Variants in CTNND2 observed in about 807,000 individuals in gnomAD.
CTNND2 encodes the protein catenin delta 2.
Under a neutral mutation model 144.4 loss-of-function variants are expected in CTNND2, and 22 were observed. The observed-to-expected ratio is 0.15, with a 90% CI of 0.11 to 0.22. The LOEUF is 0.22. CTNND2 is among the 10% of genes least tolerant of loss of function. The pLI, the probability that CTNND2 is intolerant of heterozygous loss-of-function variation, is 1.00. For synonymous variants in CTNND2, 751 were observed against 695.6 expected, an observed-to-expected ratio of 1.08 and a Z score of -1.25; for missense variants, 1,353 against 1,618.8, an observed-to-expected ratio of 0.84 and a Z score of 2.82.
intron 2 of CTNND2, among the ~76,000 whole-genome samples, chr5:11,678,473 C>T (rs73743021): frequency 0.012 from 1,789 of 152,164 alleles, 26 homozygotes; most frequent in African/African-American, 0.042. Context: ...ACAATGCTGA[C>T]GATGGAGTCT....
At chr5:11,882,945 ATG>A (rs1303056266) in intron 1 of CTNND2, among the ~76,000 whole-genome samples, 2 of 152,162 alleles carry the variant, frequency 1.3e-5, no homozygotes, top group African/African-American at 4.8e-5. Context: ...ATCCATGAAC[ATG>A]GGATATTTTT....
rs1695840794 is a variant in CTNND2, at chr5:11,077,586, G to A, written c.2788+5110C>T. 3.3e-5 allele frequency among the ~76,000 whole-genome samples: 5 copies of A among 152,174 alleles called. No individual in the cohort carries two copies. The South Asian group carries it at 1.0e-3, about 32-fold the overall frequency. Reference sequence around the variant, plus strand: ...CATAGGGAGCTTCCACATCTGCCCTGCAAAGACTTGATTTTACACTGAGAT... The same window carrying A: ...CATAGGGAGCTTCCACATCTGCCCTACAAAGACTTGATTTTACACTGAGAT... On this transcript the variant is annotated intron_variant, in intron 16 of 21. Transcript: ENST00000304623.
At chr5:11,079,752 T>C (rs953722039) in intron 16 of CTNND2, among the ~76,000 whole-genome samples, 6 of 152,186 alleles carry the variant, frequency 3.9e-5, no homozygotes, top group African/African-American at 1.4e-4. Context: ...TGACCTCGCA[T>C]TGAAAATCAC....
At chr5:11,021,306 GA>G (rs1742224600) in intron 17 of CTNND2, among the ~76,000 whole-genome samples, 1 of 152,184 alleles carries the variant, frequency 6.6e-6, no homozygotes, top group African/African-American at 2.4e-5. Flanking sequence ...AATGTCTCAT[GA>G]ATATAGACAA....
At chr5:11,378,604 G>A (rs1273554715) in intron 7 of CTNND2, among the ~76,000 whole-genome samples, 2 of 152,176 alleles carry the variant, frequency 1.3e-5, no homozygotes, top group Non-Finnish European at 1.5e-5. Flanking sequence ...TCCACAGCAC[G>A]GGAAGATTAG....
chr5:11,710,949 C>T (rs555213671), intron 2 of CTNND2, among the ~76,000 whole-genome samples: 2 of 152,336 alleles, frequency 1.3e-5, no homozygotes, highest in African/African-American at 4.8e-5. Flanking sequence ...CCCCTTGTCA[C>T]TCCACATCAT....
At chr5:11,480,641 C>CAT (rs776017906) in intron 3 of CTNND2, among the ~76,000 whole-genome samples, 1 of 81,136 alleles carries the variant, frequency 1.2e-5, no homozygotes, top group Non-Finnish European at 2.5e-5. Context: ...TTTGAAAATA[C>CAT]ATATATGTGT....
At chr5:11,009,652 T>C (rs887784439) in intron 18 of CTNND2, among the ~76,000 whole-genome samples, 1 of 152,124 alleles carries the variant, frequency 6.6e-6, no homozygotes, top group Non-Finnish European at 1.5e-5. Context: ...TTTGTAGGGT[T>C]TGATTCAAAA....
intron 2 of CTNND2, among the ~76,000 whole-genome samples, chr5:11,666,428 T>C (rs1012154639): frequency 8.5e-5 from 13 of 152,216 alleles, no homozygotes; most frequent in African/African-American, 2.7e-4. Context: ...TGAAAGATTA[T>C]TGCACTCTTC....
intron 2 of CTNND2, among the ~76,000 whole-genome samples, chr5:11,641,297 C>A (rs1251138000): frequency 6.6e-6 from 1 of 151,980 alleles, no homozygotes. Context: ...GCAATGTGAG[C>A]GTTCCATGAA....
At chr5:11,377,651 A>C (rs1227507350) in intron 7 of CTNND2, among the ~76,000 whole-genome samples, 1 of 152,208 alleles carries the variant, frequency 6.6e-6, no homozygotes, top group Non-Finnish European at 1.5e-5. Flanking sequence ...CAAGGATGCT[A>C]TGAGGTAGGA....
At chr5:11,024,691 G>A (rs906576541) in intron 16 of CTNND2, among the ~76,000 whole-genome samples, 2 of 152,176 alleles carry the variant, frequency 1.3e-5, no homozygotes, top group Admixed American at 1.3e-4. Context: ...CTTGGACACT[G>A]TCAAGGTTAA....
chr5:11,592,296 C>A (rs1371345107), intron 2 of CTNND2, among the ~76,000 whole-genome samples: 1 of 151,158 alleles, frequency 6.6e-6, no homozygotes, highest in Non-Finnish European at 1.5e-5. Context: ...TTCTGCCTTC[C>A]TTCCTTTCTC....
At chr5:11,392,352 G>A (rs1353616057) in intron 6 of CTNND2, among the ~76,000 whole-genome samples, 1 of 152,154 alleles carries the variant, frequency 6.6e-6, no homozygotes, top group African/African-American at 2.4e-5. Context: ...AAGAAATAAA[G>A]CAATGATGTA....
At chr5:11,678,697 A>G (rs544957043) in intron 2 of CTNND2, among the ~76,000 whole-genome samples, 2 of 152,308 alleles carry the variant, frequency 1.3e-5, no homozygotes, top group South Asian at 4.1e-4. Context: ...GAACAAAATT[A>G]AGGTTAATCT....
intron 3 of CTNND2, among the ~76,000 whole-genome samples, chr5:11,438,385 G>A (rs769456895): frequency 5.3e-5 from 8 of 152,184 alleles, no homozygotes; most frequent in Non-Finnish European, 7.3e-5. Flanking sequence ...TAGAATCAAC[G>A]TGGGTGAAAA....
chr5:11,209,990 C>T (rs979245663), intron 10 of CTNND2, among the ~76,000 whole-genome samples: 1 of 152,146 alleles, frequency 6.6e-6, no homozygotes, highest in Admixed American at 6.6e-5. Flanking sequence ...ACTATCCATA[C>T]TGAAGTTAGG....
chr5:11,044,874 G>A lies in CTNND2; in HGVS notation c.2789-21895C>T, dbSNP rs563386300. On this transcript the variant is annotated intron_variant, in intron 16 of 21. Transcript: ENST00000304623. Reference sequence around the variant, plus strand: ...AGCTGGAGAAAAATGTAGGACTTCAGGGGTTTCAGGGTAGTGCCCCCTTGG... The same window carrying A: ...AGCTGGAGAAAAATGTAGGACTTCAAGGGTTTCAGGGTAGTGCCCCCTTGG... Among the ~76,000 whole-genome samples the A allele has an allele frequency of 2.6e-5, 4 of 152,376 alleles. No individual in the cohort carries two copies. The East Asian group carries it at 7.7e-4, about 29-fold the overall frequency.
chr5:11,891,055 C>T (rs1395956368), intron 1 of CTNND2, among the ~76,000 whole-genome samples: 2 of 152,184 alleles, frequency 1.3e-5, no homozygotes, highest in Non-Finnish European at 2.9e-5. Context: ...AATGAGACAG[C>T]TGGATCAGCC....
Sources: allele counts gnomAD v4.1 joint callset (sites outside exome capture counted in the v4.1 genomes callset), GRCh38; gene constraint gnomAD v4.1.1; transcripts MANE v1.5; gene names NCBI Gene and HGNC (gene_info 2026-07-23, HGNC 2026-07-21).